Variants in HDAC5 observed in about 807,000 individuals in gnomAD.
The protein encoded by HDAC5 is histone deacetylase 5.
In HDAC5, 25 loss-of-function variants were observed where a neutral mutation model predicts 133.3. The ratio of observed to expected loss-of-function variants is 0.19; its 90% CI spans 0.14 to 0.26. The LOEUF is 0.26. HDAC5 is among the 10% of genes least tolerant of loss of function. The pLI, the probability that HDAC5 is intolerant of heterozygous loss-of-function variation, is 1.00. For synonymous variants in HDAC5, 589 were observed against 610.8 expected, an observed-to-expected ratio of 0.96 and a Z score of 0.53; for missense variants, 1,041 against 1,460.5, an observed-to-expected ratio of 0.71 and a Z score of 4.68.
At chr17:44,100,525 G>A (rs1208420015) in intron 3 of HDAC5, among the ~76,000 whole-genome samples, 3 of 147,542 alleles carry the variant, frequency 2.0e-5, no homozygotes, top group Non-Finnish European at 4.4e-5. Flanking sequence ...ACGAGGTCAG[G>A]AGTTTGAGAC....
chr17:44,104,086 C>T (rs917268046), intron 3 of HDAC5, among the ~76,000 whole-genome samples: 1 of 150,846 alleles, frequency 6.6e-6, no homozygotes, highest in African/African-American at 2.4e-5. Context: ...TTTGGGACCC[C>T]GAGGTGGGCA....
chr17:44,111,092 C>T (rs897074969), intron 2 of HDAC5: 8 of 475,378 alleles, frequency 1.7e-5, no homozygotes, highest in African/African-American at 1.6e-4. Flanking sequence ...GACCACCAGC[C>T]TCTCCCTGGT....
Position 44,088,473 on chromosome 17 carries a change from G to T in HDAC5, c.1513C>A (p.Pro505Thr), listed in dbSNP as rs775778994. 3 of 1,610,194 alleles carry T rather than the reference G, an allele frequency of 1.9e-6. No individual in the cohort carries two copies. Among genetic ancestry groups the T allele is most frequent in the African/African-American group, 2.7e-5 (2 of 74,884 alleles). Reference protein sequence around the residue: ...RTQSSPLPQSPQALQQLVMQQ... With the variant: ...RTQSSPLPQSTQALQQLVMQQ... ...ATGACCAGCTGCTGCAGGGCCTGGG[G>T]ACTCTGCGGCAGCGGTGAGGACTGA... Residue 505 changes from proline to threonine, a missense_variant, in exon 12 of 27, where the codon CCC becomes ACC. Physicochemically the swap from Pro to Thr is conservative, Grantham distance 38. This residue lies in a region of HDAC5 where 433 missense variants were observed against 531.6 expected (regional missense o/e 0.81). Coordinates refer to ENST00000682912, the MANE Select transcript of HDAC5 (RefSeq NM_005474.5).
At chr17:44,086,999 G>A (rs1380151939) in intron 13 of HDAC5, among the ~76,000 whole-genome samples, 2 of 147,352 alleles carry the variant, frequency 1.4e-5, no homozygotes, top group Non-Finnish European at 3.0e-5. Context: ...GGGCGGGGTG[G>A]GGGCGGGATG....
In HDAC5 at chr17:44,092,278, G is replaced by A. The variant is rs2050989750; in HGVS notation, c.926C>T (p.Ser309Phe). 2 of 1,614,052 alleles carry A rather than the reference G, an allele frequency of 1.2e-6. No individual in the cohort carries two copies. The highest frequency in any genetic ancestry group is 1.7e-6 in the Non-Finnish European group (2 of 1,179,990). The change falls in exon 9 of 27, where the codon TCC (serine) becomes TTC (phenylalanine). Residue 309 changes from serine to phenylalanine, a missense_variant. This residue lies in a region of HDAC5 where 433 missense variants were observed against 531.6 expected (regional missense o/e 0.81). Coordinates refer to ENST00000682912, the MANE Select transcript of HDAC5 (RefSeq NM_005474.5). ...GGAGCCGGGTGCGCTGTTACACACG[G>A]ACGACGCTATAGGAGAAGTGGCTGT... ...EITGAGPGAS[S>F]VCNSAPGSGP...
At chr17:44,081,245 A>G (rs479044) in intron 20 of HDAC5, among the ~76,000 whole-genome samples, 94,344 of 151,578 alleles carry the variant, frequency 0.62, 34,408 homozygotes, top group East Asian at 0.91. Context: ...CAGGCAGATG[A>G]GATTCTTTCT....
rs375983191 is a variant in HDAC5 at position 44,117,420 on chromosome 17, G to A, written c.22+74C>T. The A allele has an allele frequency of 2.2e-4, 335 of 1,515,602 alleles. 1 individual carries two copies. The highest frequency in any genetic ancestry group is 2.5e-4 in the Non-Finnish European group (273 of 1,090,244). The allele number at this position is 1,515,602 out of a possible 1,614,324, so 93.9% of individuals were successfully genotyped here. A position where few individuals can be genotyped will look rare whatever the true frequency, so the allele number is the denominator to read the frequency against. On this transcript the variant is annotated intron_variant, in intron 2 of 26. Coordinates refer to ENST00000682912, the MANE Select transcript of HDAC5 (RefSeq NM_005474.5). This position sits in a 1 kb window ranked among gnomAD's most constrained non-coding sequence, Gnocchi z 4.2. ...TCAGACAGTAAAGGTCAGCTGGCCTGGAAGGGAAACCCACACAGCCCATTG... is the reference window on the plus strand; with the variant it reads ...TCAGACAGTAAAGGTCAGCTGGCCTAGAAGGGAAACCCACACAGCCCATTG...
chr17:44,080,994 G>A, intron 20 of HDAC5, 112 bp from the exon 21 acceptor site: 1 of 1,434,510 alleles, frequency 7.0e-7, no homozygotes, highest in African/African-American at 1.4e-5. Context: ...AGCATTTTGG[G>A]AGGCTGAGGG....
chr17:44,083,578 C>T lies in HDAC5; in HGVS notation c.2430G>A (p.Glu810=). The T allele has an allele frequency of 6.2e-7, 1 of 1,614,050 alleles. No individual in the cohort carries two copies. The highest frequency in any genetic ancestry group is 8.5e-7 in the Non-Finnish European group (1 of 1,179,996). Residue 810 remains glutamate, a synonymous_variant, in exon 18 of 27, where the codon GAG becomes GAA. Coordinates refer to ENST00000682912, the MANE Select transcript of HDAC5 (RefSeq NM_005474.5). ...CTCCTGCAGCCACCTTGAAGGCCAGCTCCAGCAGGCAGCCCACTGCCATGC... is the reference window on the plus strand; with the variant it reads ...CTCCTGCAGCCACCTTGAAGGCCAGTTCCAGCAGGCAGCCCACTGCCATGC... ...AVRMAVGCLL[E]LAFKVAAGEL... is the part of the protein sequence containing the mutation.
chr17:44,099,636 A>G (rs953265880), intron 3 of HDAC5, among the ~76,000 whole-genome samples: 11 of 151,868 alleles, frequency 7.2e-5, no homozygotes, highest in Non-Finnish European at 1.5e-4. Flanking sequence ...CACCACGCCC[A>G]GCTAATTTTT....
intron 18 of HDAC5, 108 bp from the exon 19 acceptor site, chr17:44,082,928 GA>G (rs2050464754): frequency 3.2e-6 from 3 of 929,172 alleles, no homozygotes; most frequent in Non-Finnish European, 3.4e-6. Context: ...ACACAAACCA[GA>G]AAAGCAGATC....
chr17:44,088,737 G>A lies in HDAC5; in HGVS notation c.1388-139C>T, dbSNP rs983010176. The A allele has an allele frequency of 3.9e-6, 5 of 1,267,642 alleles. No individual in the cohort carries two copies. The African/African-American group carries it at 4.5e-5, about 11-fold the overall frequency. 78.5% of individuals were successfully genotyped at this position (1,267,642 alleles called of 1,614,324 possible). ...CAGGAAAAACCCTGGGGGACCTGAA[G>A]CACCCCCCACCCAAACCTGAGCTCC... On this transcript the variant is annotated intron_variant, in intron 11 of 26. Coordinates refer to ENST00000682912, the MANE Select transcript of HDAC5 (RefSeq NM_005474.5).
Position 44,078,854 on chromosome 17 carries a change from A to G in HDAC5, c.3104T>C (p.Leu1035Ser). Residue 1035 changes from leucine to serine, a missense_variant, in exon 25 of 27, where the codon TTG becomes TCG. Around this residue, in one of 9 missense-constraint regions of HDAC5, gnomAD observed 174 missense variants for 352.7 expected, o/e 0.49. Coordinates refer to ENST00000682912, the MANE Select transcript of HDAC5 (RefSeq NM_005474.5). ...TGCGTTGATGTTGGGCTTTTGCTGC[A>G]AGACTGCCTCATCCAAGGGCTGCAG... ...VELQPLDEAV[L>S]QQKPNINAVA... 1.2e-6 allele frequency: 2 copies of G among 1,614,172 alleles called. No homozygotes were observed. Among genetic ancestry groups the G allele is most frequent in the Non-Finnish European group, 1.7e-6 (2 of 1,180,028 alleles).
Position 44,079,236 on chromosome 17 carries a change from C to A in HDAC5, c.2986G>T (p.Gly996Cys). 6.2e-7 allele frequency: 1 copy of A among 1,613,642 alleles called. No homozygotes were observed. ...CCCTCCAGGGCCAGCACCACCCGGC[C>A]CCCTGCCAGGGTCATCAGCTGCCTG... ...LTRQLMTLAGGRVVLALEGGH... is the reference protein window; with the variant it reads ...LTRQLMTLAGCRVVLALEGGH... The change falls in exon 24 of 27, where the codon GGC (glycine) becomes TGC (cysteine). Residue 996 changes from glycine to cysteine, a missense_variant. Gly to Cys is a radical substitution (Grantham distance 159, BLOSUM62 -3). Transcript: ENST00000682912.
In HDAC5 at chr17:44,091,504, A is replaced by C; in HGVS notation, c.1165-12T>G. 3 of 1,545,032 alleles carry C rather than the reference A, an allele frequency of 1.9e-6. No individual in the cohort carries two copies. The highest frequency in any genetic ancestry group is 2.6e-6 in the Non-Finnish European group (3 of 1,149,496). On this transcript the variant is annotated splice_polypyrimidine_tract_variant and intron_variant, in intron 10 of 26. Transcript: ENST00000682912. ...AGCTTCGGGGAGGCCTGGGGGGTGAAGGGAGGGGCTTATACAGCCTCAGTC... is the reference window on the plus strand; with the variant it reads ...AGCTTCGGGGAGGCCTGGGGGGTGACGGGAGGGGCTTATACAGCCTCAGTC...
chr17:44,090,763 C>T (rs1385753315), intron 11 of HDAC5, among the ~76,000 whole-genome samples: 2 of 152,198 alleles, frequency 1.3e-5, no homozygotes, highest in Middle Eastern at 3.4e-3. Context: ...GATCTCGGCT[C>T]ACTGCAAGCT....
At chr17:44,088,175 C>G (rs1037849800) in intron 12 of HDAC5, among the ~76,000 whole-genome samples, 1 of 152,180 alleles carries the variant, frequency 6.6e-6, no homozygotes, top group South Asian at 2.1e-4. Context: ...CCACGCCTGG[C>G]TAATTTTTGT....
chr17:44,080,282 A>G, intron 22 of HDAC5, 57 bp from the exon 23 acceptor site: 1 of 1,560,620 alleles, frequency 6.4e-7, no homozygotes, highest in Non-Finnish European at 8.8e-7. Flanking sequence ...GCCTCGCCCC[A>G]CTGTTATCCT....
intron 2 of HDAC5, among the ~76,000 whole-genome samples, chr17:44,113,576 G>A (rs934122575): frequency 7.9e-5 from 12 of 151,668 alleles, no homozygotes; most frequent in African/African-American, 1.7e-4. Flanking sequence ...TCTCTTTTCC[G>A]TTCTCTCCCA....
Sources: allele counts gnomAD v4.1 joint callset (sites outside exome capture counted in the v4.1 genomes callset), GRCh38; gene constraint gnomAD v4.1.1; regional missense constraint gnomAD v4.1.1; non-coding constraint Gnocchi (gnomAD v3.1); transcripts MANE v1.5; gene names NCBI Gene and HGNC (gene_info 2026-07-23, HGNC 2026-07-21).